CHST8: variants seen among roughly 807,000 people sequenced by gnomAD.
The protein encoded by CHST8 is carbohydrate sulfotransferase 8.
CHST8 carries 10 observed loss-of-function variants against 15.0 expected under a neutral mutation model. That is an observed-to-expected ratio of 0.67 (90% confidence interval 0.41 to 1.13). The LOEUF (loss-of-function observed/expected upper bound fraction) is 1.13, where lower values mean the gene tolerates loss of function less well. Ranked by LOEUF, CHST8 falls within the 50% of genes most tolerant of loss-of-function variation. CHST8 has a pLI of 0.00. For missense variants in CHST8, 634 were observed against 608.2 expected, an observed-to-expected ratio of 1.04 and a Z score of -0.45; for synonymous variants, 259 against 256.6, an observed-to-expected ratio of 1.01 and a Z score of -0.09.
At chr19:33,634,170 C>T (rs1228349332) in intron 1 of CHST8, among the ~76,000 whole-genome samples, 1 of 152,172 alleles carries the variant, frequency 6.6e-6, no homozygotes, top group Non-Finnish European at 1.5e-5. Context: ...TCCACCTCCT[C>T]ACCAGTATAT....
At chr19:33,658,311 G>A (rs563068000) in intron 1 of CHST8, among the ~76,000 whole-genome samples, 51 of 152,308 alleles carry the variant, frequency 3.3e-4, no homozygotes, top group African/African-American at 1.2e-3. Flanking sequence ...CTGCACTCCA[G>A]CCTGGGTGAC....
intron 3 of CHST8, among the ~76,000 whole-genome samples, chr19:33,719,044 G>A (rs1438467150): frequency 6.6e-6 from 1 of 152,036 alleles, no homozygotes; most frequent in Non-Finnish European, 1.5e-5. Flanking sequence ...CCGGGACTGG[G>A]TGTGCCCAGC....
intron 3 of CHST8, among the ~76,000 whole-genome samples, chr19:33,695,821 C>CTTTTTTTCTTTCTTTCTTTCTTTT (rs1973204508): frequency 1.3e-5 from 1 of 76,232 alleles, no homozygotes; most frequent in Non-Finnish European, 2.5e-5. Flanking sequence ...TTCTTTCTTT[C>CTTTTTTTCTTTCTTTCTTTCTTTT]TTTTTTTTTT....
At chr19:33,645,600 TG>T (rs1972343978) in intron 1 of CHST8, among the ~76,000 whole-genome samples, 1 of 151,352 alleles carries the variant, frequency 6.6e-6, no homozygotes, top group African/African-American at 2.4e-5. Flanking sequence ...TGGGAAAGAG[TG>T]GGTGGAACAG....
intron 3 of CHST8, among the ~76,000 whole-genome samples, chr19:33,724,383 C>G (rs1265690692): frequency 6.6e-6 from 1 of 152,184 alleles, no homozygotes; most frequent in Non-Finnish European, 1.5e-5. Flanking sequence ...CCTCACCTTC[C>G]CCAGTGTTCC....
chr19:33,644,297 T>C, intron 1 of CHST8, among the ~76,000 whole-genome samples: 1 of 152,180 alleles, frequency 6.6e-6, no homozygotes, highest in East Asian at 1.9e-4. Context: ...CAAATATTTA[T>C]GGAGAACAAA....
chr19:33,654,685 G>GA (rs1331879111), intron 1 of CHST8, among the ~76,000 whole-genome samples: 1 of 151,892 alleles, frequency 6.6e-6, no homozygotes, highest in Non-Finnish European at 1.5e-5. Context: ...CTCCCAGAAT[G>GA]AAAATATAAA....
At chr19:33,672,594 G>A (rs904412146) in intron 2 of CHST8, among the ~76,000 whole-genome samples, 1 of 152,208 alleles carries the variant, frequency 6.6e-6, no homozygotes, top group African/African-American at 2.4e-5. Flanking sequence ...GGGGGAAGAT[G>A]CGGAGAAACA....
At chr19:33,678,802 G>A (rs1972844889) in intron 2 of CHST8, among the ~76,000 whole-genome samples, 1 of 152,188 alleles carries the variant, frequency 6.6e-6, no homozygotes, top group African/African-American at 2.4e-5. Context: ...TCCTTCCAAA[G>A]GGTATGGCCA....
intron 1 of CHST8, among the ~76,000 whole-genome samples, chr19:33,660,923 C>T (rs1972577473): frequency 6.6e-6 from 1 of 152,108 alleles, no homozygotes; most frequent in African/African-American, 2.4e-5. Context: ...GCCAAAGACC[C>T]TCCCAGGCTA....
At chr19:33,755,992 G>T (rs2145365582) in intron 3 of CHST8, among the ~76,000 whole-genome samples, 1 of 152,246 alleles carries the variant, frequency 6.6e-6, no homozygotes, top group Admixed American at 6.5e-5. Context: ...TCTTCCAGGA[G>T]CCCAGTAAGC....
chr19:33,697,380 C>A (rs772198200), intron 3 of CHST8, among the ~76,000 whole-genome samples: 4 of 151,892 alleles, frequency 2.6e-5, no homozygotes, highest in Admixed American at 2.6e-4. Flanking sequence ...CAGGCACCCC[C>A]CTCTTCACAC....
intron 3 of CHST8, among the ~76,000 whole-genome samples, chr19:33,698,740 G>A (rs1391140822): frequency 6.6e-6 from 1 of 152,076 alleles, no homozygotes; most frequent in African/African-American, 2.4e-5. Flanking sequence ...GAGATGCTTG[G>A]CAGGGTGTGT....
chr19:33,686,215 C>A (rs1323374015), intron 2 of CHST8, among the ~76,000 whole-genome samples: 2 of 152,168 alleles, frequency 1.3e-5, no homozygotes, highest in Non-Finnish European at 2.9e-5. Flanking sequence ...GAAACGTGAA[C>A]AGATGAAGCT....
intron 3 of CHST8, among the ~76,000 whole-genome samples, chr19:33,759,846 C>T (rs946953750): frequency 2.6e-5 from 4 of 152,176 alleles, no homozygotes; most frequent in African/African-American, 9.7e-5. Context: ...TCCTGGCCCC[C>T]AAGGGCCCAG....
rs112146805 is a variant in CHST8, at chr19:33,650,015, C to T, written c.-163-17752C>T. On this transcript the variant is annotated intron_variant, in intron 1 of 4. Transcript: ENST00000650847. ...TAGGGGTGTGTGACTTTATCCTTGCCTGGCATGGCCTTAGGTAATGTTTAT... is the reference window on the plus strand; with the variant it reads ...TAGGGGTGTGTGACTTTATCCTTGCTTGGCATGGCCTTAGGTAATGTTTAT... Among the ~76,000 whole-genome samples, 1,037 of 152,192 alleles carry T rather than the reference C, an allele frequency of 6.8e-3. 8 individuals are homozygous for T. The highest frequency in any genetic ancestry group is 0.02 in the Middle Eastern group (6 of 294).
chr19:33,668,074 G>C, intron 2 of CHST8, among the ~76,000 whole-genome samples: 1 of 152,172 alleles, frequency 6.6e-6, no homozygotes, highest in South Asian at 2.1e-4. Context: ...CCGAGTGAAT[G>C]CGTCAGACAG....
At chr19:33,748,996 G>T (rs1261653148) in intron 3 of CHST8, among the ~76,000 whole-genome samples, 2 of 152,190 alleles carry the variant, frequency 1.3e-5, no homozygotes, top group Non-Finnish European at 2.9e-5. Flanking sequence ...GAGGGCATCA[G>T]AGGAATTCAG....
chr19:33,677,118 A>G (rs1047418771), intron 2 of CHST8, among the ~76,000 whole-genome samples: 6 of 151,978 alleles, frequency 3.9e-5, no homozygotes, highest in African/African-American at 1.5e-4. Context: ...CAATCACATA[A>G]GAAGTCAGGG....
Sources: gnomAD v4.1 joint callset for allele counts (sites outside exome capture counted in the v4.1 genomes callset) on GRCh38, gnomAD v4.1.1 for gene constraint, MANE v1.5 for transcripts, NCBI Gene and HGNC (gene_info 2026-07-23, HGNC 2026-07-21) for gene names.